The following HYDIN variants were observed in gnomAD, a reference collection of about 807,000 sequenced individuals.
The protein encoded by HYDIN is axonemal central pair apparatus protein HYDIN.
In HYDIN, 132 loss-of-function variants were observed where a neutral mutation model predicts 403.9. The observed-to-expected ratio is 0.33, with a 90% CI of 0.28 to 0.38. The LOEUF (loss-of-function observed/expected upper bound fraction) is 0.38. Ranked by LOEUF, HYDIN falls within the 10% of genes least tolerant of loss-of-function variation. HYDIN has a pLI of 1.00. For synonymous variants in HYDIN, 1,202 were observed against 1,891.7 expected (o/e 0.64, Z 9.46); for missense variants, 2,827 against 5,009.5 (o/e 0.56, Z 13.15).
At chr16:71,228,313 G>T (rs1184198738) in intron 1 of HYDIN, among the ~76,000 whole-genome samples, 1 of 152,084 alleles carries the variant, frequency 6.6e-6, no homozygotes, top group African/African-American at 2.4e-5. Flanking sequence ...TGACAAATGG[G>T]ATCTAATTAA....
At position 71,020,225 on chromosome 16, in the gene HYDIN, T is replaced by G; in HGVS notation, c.3279A>C (p.Gly1093=). Reference sequence around the variant, plus strand: ...TATCAGTCTCACATATAAAGAAGGGTCCAGATGTTGACAGCAACAAGTTCA... The same window carrying G: ...TATCAGTCTCACATATAAAGAAGGGGCCAGATGTTGACAGCAACAAGTTCA... The part of the protein sequence containing the change: ...LPVNLLLSTS[G]PFFICETDKS... Residue 1093 remains glycine (G), a synonymous_variant, in exon 22 of 86, where the codon GGA becomes GGC. Coordinates refer to ENST00000393567, the MANE Select transcript of HYDIN (RefSeq NM_001270974.2). 6.2e-7 allele frequency: 1 copy of G among 1,613,752 alleles called. No homozygotes were observed. The highest frequency in any genetic ancestry group is 8.5e-7 in the Non-Finnish European group (1 of 1,179,934).
intron 14 of HYDIN, among the ~76,000 whole-genome samples, chr16:71,068,792 C>T (rs998131366): frequency 6.6e-6 from 1 of 152,210 alleles, no homozygotes; most frequent in African/African-American, 2.4e-5. Flanking sequence ...AGATAAGGCG[C>T]TGTTAGTGAT....
At chr16:71,143,320 T>A (rs374034281) in intron 7 of HYDIN, among the ~76,000 whole-genome samples, 4 of 146,166 alleles carry the variant, frequency 2.7e-5, no homozygotes, top group African/African-American at 7.6e-5. Context: ...TCATTTAACG[T>A]CTCTGGGCTT....
In HYDIN at chr16:70,970,576, A is replaced by G. The variant is rs374775666; in HGVS notation, c.5563T>C (p.Phe1855Leu). Residue 1855 changes from phenylalanine (F) to leucine (L), a missense_variant, in exon 36 of 86, where the codon TTC becomes CTC. Phe to Leu is a conservative substitution (Grantham distance 22). Transcript: ENST00000393567. ...TCTAAGGAATAAAACTCAATGGGGA[A>G]GTTGCAGGGATTCTTCACTATCACC... ...AEVIVKNPCN[F>L]PIEFYSLEFD... 7.6e-7 allele frequency: 1 copy of G among 1,321,984 alleles called. No homozygotes were observed. The highest frequency in any genetic ancestry group is 1.1e-6 in the Non-Finnish European group (1 of 920,788). 81.9% of individuals were successfully genotyped at this position (1,321,984 alleles called of 1,614,324 possible).
At chr16:71,139,267 T>C (rs952569806) in intron 7 of HYDIN, among the ~76,000 whole-genome samples, 9 of 152,092 alleles carry the variant, frequency 5.9e-5, no homozygotes, top group Non-Finnish European at 1.3e-4. Context: ...TGAAAGAAAC[T>C]CAATTTTTTG....
intron 41 of HYDIN, among the ~76,000 whole-genome samples, chr16:70,947,882 C>T (rs1243872234): frequency 2.0e-5 from 3 of 149,406 alleles, no homozygotes; most frequent in African/African-American, 7.3e-5. Context: ...CCATACTGCC[C>T]AAGGTAATTT....
chr16:71,000,736 C>G (rs975861505), intron 23 of HYDIN, among the ~76,000 whole-genome samples: 1 of 151,648 alleles, frequency 6.6e-6, no homozygotes, highest in East Asian at 2.0e-4. Context: ...TTTGACCCCC[C>G]GGTCAGATAA....
intron 25 of HYDIN, among the ~76,000 whole-genome samples, chr16:70,991,038 G>A (rs911920265): frequency 4.6e-5 from 7 of 152,086 alleles, no homozygotes; most frequent in Non-Finnish European, 7.4e-5. Context: ...AGAATTTAAG[G>A]GTATTAATTT....
chr16:70,998,299 T>C (rs11075832), intron 23 of HYDIN, among the ~76,000 whole-genome samples: 4,217 of 142,074 alleles, frequency 0.03, no homozygotes, highest in African/African-American at 0.12. Flanking sequence ...TGGTGCAAGC[T>C]GGTCATCACC....
At chr16:70,934,319 G>C (rs1476175464) in intron 45 of HYDIN, among the ~76,000 whole-genome samples, 1 of 152,128 alleles carries the variant, frequency 6.6e-6, no homozygotes, top group Admixed American at 6.5e-5. Context: ...GGGGCACCAG[G>C]GTTGAAGAAA....
intron 83 of HYDIN, 46 bp from the exon 84 acceptor site, chr16:70,818,618 G>A (rs766016088): frequency 1.6e-5 from 11 of 687,060 alleles, no homozygotes; most frequent in South Asian, 3.3e-5. Context: ...GAGTAGGGGT[G>A]AGCCGAGGGT....
At chr16:71,092,368 C>T (rs1881503731) in intron 11 of HYDIN, among the ~76,000 whole-genome samples, 1 of 152,172 alleles carries the variant, frequency 6.6e-6, no homozygotes, top group Non-Finnish European at 1.5e-5. Context: ...AGCACCTGCT[C>T]ACTAGAAACC....
chr16:70,911,750 T>C (rs1431476778), intron 47 of HYDIN, among the ~76,000 whole-genome samples: 1 of 152,014 alleles, frequency 6.6e-6, no homozygotes, highest in Admixed American at 6.5e-5. Flanking sequence ...GAGCATGAGA[T>C]GTTTCCATTT....
At chr16:71,180,259 T>C (rs574002031) in intron 3 of HYDIN, among the ~76,000 whole-genome samples, 7 of 151,914 alleles carry the variant, frequency 4.6e-5, no homozygotes, top group South Asian at 2.1e-4. Flanking sequence ...TGTGAAAATA[T>C]AGATAAAAAT....
Position 71,129,720 on chromosome 16 carries a change from G to A in HYDIN, c.1147C>T (p.Arg383Ter), listed in dbSNP as rs543553606. ...LLREHLSVLS[R>*]TFANQRRLVQ... ...AGCCTCCTCTGATTCGCAAAGGTTC[G>A]GGACAGAACAGAAAGATGTTCTCGG... The change falls in exon 9 of 86, where the codon CGA (arginine) becomes TGA (stop). Residue 383 changes from arginine (R) to a stop codon, truncating the protein, a stop_gained. Transcript: ENST00000393567. LOFTEE classifies it high-confidence loss of function. 4.3e-6 allele frequency: 7 copies of A among 1,614,096 alleles called. No homozygotes were observed. Among genetic ancestry groups the A allele is most frequent in the African/African-American group, 1.3e-5 (1 of 75,008 alleles).
chr16:71,176,826 G>T (rs2086687036), intron 4 of HYDIN, among the ~76,000 whole-genome samples: 1 of 152,176 alleles, frequency 6.6e-6, no homozygotes, highest in Admixed American at 6.5e-5. Flanking sequence ...CATCCTCTGT[G>T]TGTGAGGGAC....
At chr16:70,947,714 A>G (rs2077919929) in intron 41 of HYDIN, among the ~76,000 whole-genome samples, 1 of 151,886 alleles carries the variant, frequency 6.6e-6, no homozygotes, top group Admixed American at 6.5e-5. Context: ...CAATTGCTTC[A>G]AAGAGAATAA....
intron 23 of HYDIN, among the ~76,000 whole-genome samples, chr16:71,012,447 T>G: frequency 6.6e-6 from 1 of 152,252 alleles, no homozygotes; most frequent in Non-Finnish European, 1.5e-5. Context: ...TTTAGCATGC[T>G]TGTCCATTTT....
At chr16:70,991,884 G>A (rs1336604082) in intron 24 of HYDIN, among the ~76,000 whole-genome samples, 186 bp downstream of exon 24, 2 of 152,110 alleles carry the variant, frequency 1.3e-5, no homozygotes, top group Non-Finnish European at 2.9e-5. Flanking sequence ...CAGTCCCCCA[G>A]GACTCATGAT....
Sources: allele counts gnomAD v4.1 joint callset (sites outside exome capture counted in the v4.1 genomes callset), GRCh38; gene constraint gnomAD v4.1.1; transcripts MANE v1.5; gene names NCBI Gene and HGNC (gene_info 2026-07-23, HGNC 2026-07-21).